The following TP73 variants were observed in gnomAD, a reference collection of about 807,000 sequenced individuals.
TP73 encodes the protein tumor protein p73, also known as p53-like transcription factor.
Under a neutral mutation model 62.5 loss-of-function variants are expected in TP73, and 25 were observed. That is an observed-to-expected ratio of 0.40 (90% confidence interval 0.29 to 0.56). TP73 has a LOEUF of 0.56. TP73 is among the 20% of genes least tolerant of loss of function. The pLI is 0.46. For missense variants in TP73, 754 were observed against 913.3 expected (o/e 0.83, Z 2.25); for synonymous variants, 423 against 377.5 (o/e 1.12, Z -1.40).
At chr1:3,657,282 G>A (rs1644886018) in intron 1 of TP73, among the ~76,000 whole-genome samples, 1 of 152,172 alleles carries the variant, frequency 6.6e-6, no homozygotes, top group African/African-American at 2.4e-5. Context: ...AGGATCTGGG[G>A]GCTGCCGGCC....
intron 3 of TP73, among the ~76,000 whole-genome samples, chr1:3,685,977 TG>T (rs1222329580): frequency 2.6e-5 from 4 of 152,200 alleles, no homozygotes; most frequent in African/African-American, 9.6e-5. Flanking sequence ...GCGGTTCTAG[TG>T]CCGGATGTTT....
At position 3,732,996 on chromosome 1, in the gene TP73, G is replaced by A. The variant is rs1317921518; in HGVS notation, c.1828G>A (p.Ala610Thr). ...GGPGGGPDEWADFGFDLPDCK... is the reference protein window; with the variant it reads ...GGPGGGPDEWTDFGFDLPDCK... ...CCCAGGCGGCGGCCCTGACGAGTGGGCGGACTTCGGCTTCGACCTGCCCGA... is the reference window on the plus strand; with the variant it reads ...CCCAGGCGGCGGCCCTGACGAGTGGACGGACTTCGGCTTCGACCTGCCCGA... Residue 610 changes from alanine (A) to threonine (T), a missense_variant, in exon 14 of 14, where the codon GCG becomes ACG. Physicochemically the swap from Ala to Thr is moderately conservative, Grantham distance 58. Transcript: ENST00000378295. The A allele has an allele frequency of 6.3e-7, 1 of 1,580,560 alleles. No individual in the cohort carries two copies. The highest frequency in any genetic ancestry group is 1.1e-5 in the South Asian group (1 of 87,724).
chr1:3,691,021 G>A (rs1645809065), intron 3 of TP73: 2 of 1,541,002 alleles, frequency 1.3e-6, no homozygotes, highest in African/African-American at 2.7e-5. Context: ...GGTTCAGAGG[G>A]GCATCCTTCT....
intron 1 of TP73, among the ~76,000 whole-genome samples, chr1:3,678,192 A>T (rs2368542): frequency 0.5 from 75,384 of 152,168 alleles, 18,698 homozygotes; most frequent in South Asian, 0.55. Flanking sequence ...CAGAACCGTG[A>T]TCCCCTTGTG....
intron 4 of TP73, among the ~76,000 whole-genome samples, chr1:3,714,543 G>T (rs776660298): frequency 6.6e-6 from 1 of 152,246 alleles, no homozygotes; most frequent in Non-Finnish European, 1.5e-5. Flanking sequence ...TTGCCAGCCT[G>T]CTGGGCCCCT....
chr1:3,722,542 G>C (rs1342851846), intron 5 of TP73, among the ~76,000 whole-genome samples: 1 of 152,190 alleles, frequency 6.6e-6, no homozygotes, highest in African/African-American at 2.4e-5. Flanking sequence ...GGAGAATCAG[G>C]GGGCAGAGCC....
chr1:3,665,577 T>A (rs1232852158), intron 1 of TP73, among the ~76,000 whole-genome samples: 2 of 152,040 alleles, frequency 1.3e-5, no homozygotes, highest in Non-Finnish European at 2.9e-5. Flanking sequence ...GGACTTGATA[T>A]GAGTGGGGTG....
At chr1:3,694,769 CT>C in intron 3 of TP73, among the ~76,000 whole-genome samples, 1 of 131,298 alleles carries the variant, frequency 7.6e-6, no homozygotes, top group Non-Finnish European at 1.6e-5. Context: ...GCCTCAGCCC[CT>C]CCTCCTGCAA....
chr1:3,729,251 C>A, intron 9 of TP73, 76 bp from the exon 10 acceptor site: 1 of 1,589,222 alleles, frequency 6.3e-7, no homozygotes, highest in Admixed American at 1.7e-5. Context: ...AAGCCCAGGT[C>A]CTCCTGAGGC....
chr1:3,667,282 G>A (rs763071286), intron 1 of TP73, among the ~76,000 whole-genome samples: 51 of 152,310 alleles, frequency 3.3e-4, no homozygotes, highest in Non-Finnish European at 6.9e-4. Flanking sequence ...AGCCCTGCCC[G>A]CAGTTTGGCT....
In TP73 at chr1:3,670,429, C is replaced by T. The variant is rs1031397339; in HGVS notation, c.-33-11904C>T. 6.6e-6 allele frequency among the ~76,000 whole-genome samples: 1 copy of T among 152,142 alleles called. No individual in the cohort carries two copies. Among genetic ancestry groups the T allele is most frequent in the African/African-American group, 2.4e-5 (1 of 41,406 alleles). On this transcript the variant is annotated intron_variant, in intron 1 of 13. Transcript: ENST00000378295. This position sits in a 1 kb window ranked among gnomAD's most constrained non-coding sequence, Gnocchi z 5.9. ...TCTGTAATCCCAGCACTCTGGGAGG[C>T]TGAGGCGGGTGGATCAACAGAGGTC...
chr1:3,698,668 A>C (rs1223705352), intron 3 of TP73, among the ~76,000 whole-genome samples: 2 of 151,918 alleles, frequency 1.3e-5, no homozygotes, highest in Non-Finnish European at 2.9e-5. Flanking sequence ...GAAGGCAGTG[A>C]GGGTTGAGGA....
chr1:3,672,109 C>G lies in TP73; in HGVS notation c.-33-10224C>G, dbSNP rs141335825. On this transcript the variant is annotated intron_variant, in intron 1 of 13. Coordinates refer to ENST00000378295, the MANE Select transcript of TP73 (RefSeq NM_005427.4). This position sits in a 1 kb window ranked among gnomAD's most constrained non-coding sequence, Gnocchi z 5.3. ...GAGACATGTCCACTGGTGCAGCGGGCGTGTCCCAGACCCCTTAGAGAAAAG... is the reference window on the plus strand; with the variant it reads ...GAGACATGTCCACTGGTGCAGCGGGGGTGTCCCAGACCCCTTAGAGAAAAG... Among the ~76,000 whole-genome samples the G allele has an allele frequency of 2.0e-5, 3 of 151,998 alleles. No homozygotes were observed. The highest frequency in any genetic ancestry group is 4.4e-5 in the Non-Finnish European group (3 of 67,984).
intron 4 of TP73, chr1:3,712,103 T>A: frequency 6.6e-6 from 1 of 152,176 alleles, no homozygotes; most frequent in East Asian, 1.9e-4. Context: ...ACGATCATGG[T>A]ATCAATTGCA....
rs560852733 is a variant in TP73, at chr1:3,702,466, A to ACCCCAGC, written c.187-5059_187-5053dup. ...CCATTTACCACTGCCTGCTGCCCACACCCCAGCCCCCAGCCCCCAGCCCCC... is the reference window on the plus strand; with the variant it reads ...CCATTTACCACTGCCTGCTGCCCACACCCCAGCCCCCAGCCCCCAGCCCCCAGCCCCC... On this transcript the variant is annotated intron_variant, in intron 3 of 13. Transcript: ENST00000378295. Among the ~76,000 whole-genome samples, 24 of 151,466 alleles carry ACCCCAGC rather than the reference A, an allele frequency of 1.6e-4. No homozygotes were observed. The South Asian group carries it at 1.9e-3, about 12-fold the overall frequency.
chr1:3,677,115 C>T (rs538378807), intron 1 of TP73, among the ~76,000 whole-genome samples: 42 of 152,248 alleles, frequency 2.8e-4, no homozygotes, highest in African/African-American at 9.9e-4. Flanking sequence ...CTGGGCCACA[C>T]AGTCCCCTCC....
At chr1:3,717,955 G>GGA (rs912689537) in intron 4 of TP73, among the ~76,000 whole-genome samples, 1 of 152,212 alleles carries the variant, frequency 6.6e-6, no homozygotes, top group African/African-American at 2.4e-5. Flanking sequence ...CCTGTGGGGA[G>GGA]GAGAGCCAGG....
chr1:3,711,879 TGC>T (rs1640181164), intron 4 of TP73, among the ~76,000 whole-genome samples: 1 of 139,476 alleles, frequency 7.2e-6, no homozygotes, highest in Non-Finnish European at 1.6e-5. Flanking sequence ...CGCGAGCATG[TGC>T]ACACATGTTT....
At chr1:3,668,049 C>T (rs899727299) in intron 1 of TP73, among the ~76,000 whole-genome samples, 7 of 152,236 alleles carry the variant, frequency 4.6e-5, no homozygotes, top group African/African-American at 1.7e-4. Flanking sequence ...TCCTGTCACC[C>T]ACCCACCTTT....
Sources: allele counts gnomAD v4.1 joint callset (sites outside exome capture counted in the v4.1 genomes callset), GRCh38; gene constraint gnomAD v4.1.1; non-coding constraint Gnocchi (gnomAD v3.1); transcripts MANE v1.5; gene names NCBI Gene and HGNC (gene_info 2026-07-23, HGNC 2026-07-21).